TLE6: variants seen among roughly 807,000 people sequenced by gnomAD.
The protein encoded by TLE6 is TLE family member 6, subcortical maternal complex member.
In TLE6, 72 loss-of-function variants were observed where a neutral mutation model predicts 77.1. The observed-to-expected ratio is 0.93, with a 90% CI of 0.77 to 1.14. TLE6 has a LOEUF of 1.14. Ranked by LOEUF, TLE6 falls within the 50% of genes most tolerant of loss-of-function variation. The pLI, the probability that TLE6 is intolerant of heterozygous loss-of-function variation, is 0.00. For synonymous variants in TLE6, 366 were observed against 287.3 expected, an observed-to-expected ratio of 1.27 and a Z score of -2.77; for missense variants, 843 against 747.6, an observed-to-expected ratio of 1.13 and a Z score of -1.49.
chr19:2,982,692 C>A (rs528858253), intron 5 of TLE6, among the ~76,000 whole-genome samples: 1 of 152,134 alleles, frequency 6.6e-6, no homozygotes, highest in East Asian at 1.9e-4. Flanking sequence ...GGGACATGCC[C>A]TGACTTGGAA....
chr19:2,989,828 T>G, intron 13 of TLE6, 43 bp downstream of exon 13: 1 of 1,603,452 alleles, frequency 6.2e-7, no homozygotes, highest in Non-Finnish European at 8.5e-7. Flanking sequence ...TGTGCCAGCC[T>G]CCTGTGGCCA....
At chr19:2,988,803 T>C in intron 11 of TLE6, 7 of 557,574 alleles carry the variant, frequency 1.3e-5, no homozygotes, top group Admixed American at 3.1e-5. Context: ...GCTAGGACCA[T>C]AAAGGATGAA....
chr19:2,987,276 C>T, intron 7 of TLE6, 38 bp downstream of exon 7: 2 of 1,614,160 alleles, frequency 1.2e-6, no homozygotes, highest in East Asian at 2.2e-5. Flanking sequence ...GGGGCAGCCA[C>T]AGGCTGCGTC....
Position 2,989,296 on chromosome 19 carries a change from A to C in TLE6, c.976A>C (p.Ser326Arg). The C allele has an allele frequency of 3.1e-6, 5 of 1,613,100 alleles. No individual in the cohort carries two copies. The highest frequency in any genetic ancestry group is 3.4e-6 in the Non-Finnish European group (4 of 1,180,022). The change falls in exon 12 of 17, where the codon AGC becomes CGC. Residue 326 changes from serine to arginine, a missense_variant. Coordinates refer to ENST00000246112, the MANE Select transcript of TLE6 (RefSeq NM_001143986.2). The part of the protein sequence containing the change: ...GQVAEDRFPE[S>R]HLPIQTPGAF... ...GGTGGCTGAGGACAGGTTCCCTGAG[A>C]GCCACCTGCCTATACAGGTGAGGAC...
intron 15 of TLE6, 75 bp downstream of exon 15, chr19:2,993,657 T>G: frequency 6.7e-7 from 1 of 1,490,346 alleles, no homozygotes; most frequent in Non-Finnish European, 9.0e-7. Flanking sequence ...TAATGCCAGC[T>G]CCCCACCCAA....
At chr19:2,988,242 C>G (rs1010767354) in intron 11 of TLE6, 114 bp downstream of exon 11, 2 of 1,167,054 alleles carry the variant, frequency 1.7e-6, no homozygotes, top group African/African-American at 3.1e-5. Flanking sequence ...GACTTTCTTC[C>G]CCTTTTCCCA....
intron 16 of TLE6, 27 bp from the exon 17 acceptor site, chr19:2,994,873 G>A: frequency 6.9e-7 from 1 of 1,447,978 alleles, no homozygotes. Flanking sequence ...CCCTACCCCA[G>A]CTCACTGCCC....
At position 2,989,263 on chromosome 19, in the gene TLE6, A is replaced by G; in HGVS notation, c.943A>G (p.Thr315Ala). ...GRRGIKVWSL[T>A]GQVAEDRFPE... ...AAGAGGCATCAAGGTGTGGAGCCTG[A>G]CTGGACAGGTGGCTGAGGACAGGTT... Residue 315 changes from threonine (T) to alanine (A), a missense_variant, in exon 12 of 17, where the codon ACT becomes GCT. By Grantham distance (58) the Thr-to-Ala change is moderately conservative. Coordinates refer to ENST00000246112, the MANE Select transcript of TLE6 (RefSeq NM_001143986.2). 1 of 1,613,744 alleles carries G rather than the reference A, an allele frequency of 6.2e-7. No homozygotes were observed. Among genetic ancestry groups the G allele is most frequent in the East Asian group, 2.2e-5 (1 of 44,884 alleles).
chr19:2,984,053 C>T (rs1159292803), intron 5 of TLE6: 1 of 152,346 alleles, frequency 6.6e-6, no homozygotes, highest in Non-Finnish European at 1.5e-5. Flanking sequence ...CCGCTTCCCC[C>T]ACCCGCTGCT....
In TLE6 at chr19:2,989,653, T is replaced by C; in HGVS notation, c.1112T>C (p.Val371Ala). 6.2e-7 allele frequency: 1 copy of C among 1,614,176 alleles called. No individual in the cohort carries two copies. Among genetic ancestry groups the C allele is most frequent in the Middle Eastern group, 1.7e-4 (1 of 6,060 alleles). ...GACCTGGCGGCGCCCTCCCTGCATG[T>C]GAAGGAGCAGTTGCCCTGTGCAGGT... Reference protein sequence around the residue: ...VWDLAAPSLHVKEQLPCAGLN... With the variant: ...VWDLAAPSLHAKEQLPCAGLN... Residue 371 changes from valine (V) to alanine (A), a missense_variant, in exon 13 of 17, where the codon GTG becomes GCG. Val to Ala is a moderately conservative substitution (Grantham distance 64). Transcript: ENST00000246112.
At chr19:2,990,224 G>A (rs779295126) in intron 13 of TLE6, among the ~76,000 whole-genome samples, 6 of 151,706 alleles carry the variant, frequency 4.0e-5, no homozygotes, top group South Asian at 2.1e-4. Context: ...TGAATAAAAC[G>A]AATTTATTCT....
intron 5 of TLE6, 48 bp downstream of exon 5, chr19:2,982,237 A>G: frequency 3.9e-6 from 6 of 1,548,166 alleles, no homozygotes; most frequent in Non-Finnish European, 4.4e-6. Flanking sequence ...CATGAAAGGC[A>G]TGAGAAAGCA....
intron 5 of TLE6, among the ~76,000 whole-genome samples, chr19:2,985,555 C>A (rs1275642802): frequency 6.7e-6 from 1 of 148,928 alleles, no homozygotes; most frequent in Admixed American, 6.7e-5. Context: ...ACTACAGGCA[C>A]CTGCCACCAT....
rs2145019198 is a variant in TLE6 at position 2,981,481 on chromosome 19, T to C, written c.135-57T>C. On this transcript the variant is annotated intron_variant, in intron 3 of 16. Transcript: ENST00000246112. The stretch of plus-strand genomic sequence containing the variant: ...CCTAGGGGTTGAGGGTGGGGCTCAC[T>C]CTGGGGAGGGAGTCCTGAAGCCACA... 4 of 1,539,840 alleles carry C rather than the reference T, an allele frequency of 2.6e-6. No homozygotes were observed. In the East Asian group the frequency reaches 9.8e-5, roughly 38 times the overall value.
intron 13 of TLE6, among the ~76,000 whole-genome samples, chr19:2,990,739 A>G (rs1460354836): frequency 6.6e-6 from 1 of 150,846 alleles, no homozygotes; most frequent in Admixed American, 6.6e-5. Context: ...GGTGTCTCAC[A>G]CCTGTAATCC....
rs141333572 is a variant in TLE6, at chr19:2,987,107, G to A, written c.410G>A (p.Gly137Glu). 78 of 1,614,178 alleles carry A rather than the reference G, an allele frequency of 4.8e-5. No homozygotes were observed. In the African/African-American group the frequency reaches 8.8e-4, roughly 18 times the overall value. Residue 137 changes from glycine to glutamate, a missense_variant, in exon 7 of 17, where the codon GGG (glycine) becomes GAG (glutamate). Transcript: ENST00000246112. ...RSSDWLRRPLGEDNQPETQLF... is the reference protein window; with the variant it reads ...RSSDWLRRPLEEDNQPETQLF... ...TCCGACTGGCTCCGGCGGCCTTTGG[G>A]GGAGGACAATCAGCCGGAGACCCAG... is the stretch of plus-strand genomic sequence containing the variant.
At chr19:2,986,355 G>A (rs1317844503) in intron 5 of TLE6, among the ~76,000 whole-genome samples, 1 of 151,974 alleles carries the variant, frequency 6.6e-6, no homozygotes, top group Non-Finnish European at 1.5e-5. Flanking sequence ...GGTTGAGGGT[G>A]CAGTGAGCTG....
intron 13 of TLE6, among the ~76,000 whole-genome samples, chr19:2,991,491 G>A (rs1402233253): frequency 1.3e-5 from 2 of 149,838 alleles, no homozygotes; most frequent in East Asian, 3.9e-4. Context: ...AGGAAGCAAT[G>A]GCTGACGTAA....
chr19:2,989,083 G>A lies in TLE6; in HGVS notation c.763G>A (p.Glu255Lys), dbSNP rs771655255. 5 of 1,613,910 alleles carry A rather than the reference G, an allele frequency of 3.1e-6. No homozygotes were observed. The highest frequency in any genetic ancestry group is 1.7e-5 in the Admixed American group (1 of 60,008). The stretch of plus-strand genomic sequence containing the variant: ...AAGATCCTGGGACCCTGAGGACTTT[G>A]AAGATGCATGGAAGAGGCCAGATGC... ...QSISWDPEDFEDAWKRPDALP... is the reference protein window; with the variant it reads ...QSISWDPEDFKDAWKRPDALP... The change falls in exon 12 of 17, where the codon GAA becomes AAA. Residue 255 changes from glutamate to lysine, a missense_variant. By Grantham distance (56) the Glu-to-Lys change is moderately conservative. Coordinates refer to ENST00000246112, the MANE Select transcript of TLE6 (RefSeq NM_001143986.2).
Sources: allele counts gnomAD v4.1 joint callset (sites outside exome capture counted in the v4.1 genomes callset), GRCh38; gene constraint gnomAD v4.1.1; transcripts MANE v1.5; gene names NCBI Gene and HGNC (gene_info 2026-07-23, HGNC 2026-07-21).